Variants in CDH12 observed in about 807,000 individuals in gnomAD.
The protein encoded by CDH12 is cadherin-12.
Under a neutral mutation model 74.1 loss-of-function variants are expected in CDH12, and 41 were observed. The ratio of observed to expected loss-of-function variants is 0.55; its 90% CI spans 0.43 to 0.72. CDH12 has a LOEUF of 0.72. CDH12 is among the 30% of genes least tolerant of loss of function. CDH12 has a pLI of 0.00. For missense variants in CDH12, 945 were observed against 977.2 expected (o/e 0.97, Z 0.44); for synonymous variants, 399 against 355.0 (o/e 1.12, Z -1.39).
intron 1 of CDH12, among the ~76,000 whole-genome samples, chr5:22,761,097 T>C (rs538411252): frequency 6.6e-6 from 1 of 152,358 alleles, no homozygotes; most frequent in South Asian, 2.1e-4. Flanking sequence ...TAGTTTAAAA[T>C]ATTTCCTCTC....
At chr5:22,255,149 TTC>T (rs1753268608) in intron 3 of CDH12, among the ~76,000 whole-genome samples, 1 of 151,936 alleles carries the variant, frequency 6.6e-6, no homozygotes, top group Admixed American at 6.6e-5. Context: ...ATTTATATTT[TTC>T]TGTTTGCTAT....
At chr5:22,125,456 C>T (rs1264602156) in intron 4 of CDH12, among the ~76,000 whole-genome samples, 1 of 152,166 alleles carries the variant, frequency 6.6e-6, no homozygotes, top group African/African-American at 2.4e-5. Context: ...TTTTTAATGG[C>T]TGCATAGTAT....
chr5:21,930,951 G>GA (rs1344613101), intron 6 of CDH12, among the ~76,000 whole-genome samples: 1 of 152,136 alleles, frequency 6.6e-6, no homozygotes, highest in East Asian at 1.9e-4. Flanking sequence ...ACCTAAAAGG[G>GA]ATTTTGGAAG....
At chr5:22,840,821 G>C (rs1737049353) in intron 1 of CDH12, among the ~76,000 whole-genome samples, 1 of 152,126 alleles carries the variant, frequency 6.6e-6, no homozygotes, top group Non-Finnish European at 1.5e-5. Flanking sequence ...AGAGAAGGGG[G>C]ATTCAAACAG....
At chr5:22,588,216 G>A (rs1003270371) in intron 1 of CDH12, among the ~76,000 whole-genome samples, 3 of 151,732 alleles carry the variant, frequency 2.0e-5, no homozygotes, top group Non-Finnish European at 2.9e-5. Context: ...GGAATAGACA[G>A]GAAATTGTAA....
intron 7 of CDH12, among the ~76,000 whole-genome samples, chr5:21,850,040 A>C (rs116087099): frequency 6.6e-6 from 1 of 151,804 alleles, no homozygotes; most frequent in Non-Finnish European, 1.5e-5. Flanking sequence ...TAAGTGAAAT[A>C]AGCCAGGCAT....
intron 1 of CDH12, among the ~76,000 whole-genome samples, chr5:22,809,574 A>T (rs1749025198): frequency 6.6e-6 from 1 of 151,834 alleles, no homozygotes; most frequent in Non-Finnish European, 1.5e-5. Context: ...GCTTATCTGG[A>T]TAAGAATATA....
intron 6 of CDH12, among the ~76,000 whole-genome samples, chr5:21,857,754 G>A (rs528300908): frequency 2.4e-4 from 37 of 151,906 alleles, no homozygotes; most frequent in African/African-American, 8.9e-4. Context: ...ATCCGATTTG[G>A]ATATTGTATT....
intron 6 of CDH12, among the ~76,000 whole-genome samples, chr5:21,913,255 C>T (rs1349585330): frequency 6.6e-6 from 1 of 152,136 alleles, no homozygotes; most frequent in African/African-American, 2.4e-5. Context: ...CAAAGAAAAA[C>T]TATTGGTTCT....
chr5:22,540,749 A>AGT (rs1230158369), intron 1 of CDH12, among the ~76,000 whole-genome samples: 1 of 152,242 alleles, frequency 6.6e-6, no homozygotes, highest in Non-Finnish European at 1.5e-5. Flanking sequence ...CTGTTCACCC[A>AGT]GTATTTCAAG....
chr5:21,866,736 T>G (rs1751347123), intron 6 of CDH12, among the ~76,000 whole-genome samples: 1 of 152,074 alleles, frequency 6.6e-6, no homozygotes, highest in Middle Eastern at 3.4e-3. Context: ...AGAGGAGAGA[T>G]TCAAGCTGGC....
chr5:22,221,670 C>A (rs778387813), intron 3 of CDH12, among the ~76,000 whole-genome samples: 29 of 151,788 alleles, frequency 1.9e-4, no homozygotes, highest in Non-Finnish European at 3.7e-4. Context: ...CCAATAACAT[C>A]TTAAATTGAT....
chr5:21,800,264 TAGA>T (rs1434469205), intron 10 of CDH12, among the ~76,000 whole-genome samples: 3 of 152,132 alleles, frequency 2.0e-5, no homozygotes, highest in South Asian at 2.1e-4. Flanking sequence ...TAATTAATAT[TAGA>T]AGAAGTTGAG....
intron 5 of CDH12, among the ~76,000 whole-genome samples, chr5:22,005,443 A>C (rs1318621074): frequency 6.6e-6 from 1 of 152,162 alleles, no homozygotes; most frequent in African/African-American, 2.4e-5. Context: ...TAAACATAGC[A>C]GTGCAGGTGT....
intron 4 of CDH12, among the ~76,000 whole-genome samples, chr5:22,091,283 G>T (rs1743415884): frequency 6.7e-6 from 1 of 149,618 alleles, no homozygotes; most frequent in South Asian, 2.1e-4. Context: ...GTGTTTGTGT[G>T]TGTGTGTGAG....
intron 1 of CDH12, among the ~76,000 whole-genome samples, chr5:22,811,865 A>T (rs1256757530): frequency 3.3e-5 from 5 of 152,260 alleles, no homozygotes; most frequent in African/African-American, 1.2e-4. Context: ...GGAAAACTCC[A>T]TACCTATTGT....
At chr5:22,319,741 G>GA (rs1738785152) in intron 3 of CDH12, among the ~76,000 whole-genome samples, 2 of 151,994 alleles carry the variant, frequency 1.3e-5, no homozygotes, top group Admixed American at 1.3e-4. Flanking sequence ...TGAACTAGAT[G>GA]AAAAAATATC....
rs141784104 is a variant in CDH12 at position 22,725,637 on chromosome 5, C to T, written c.-523+127421G>A. Among the ~76,000 whole-genome samples the T allele has an allele frequency of 5.9e-3, 888 of 151,566 alleles. 39 individuals carry two copies. Among genetic ancestry groups the T allele is most frequent in the Admixed American group, 0.048 (734 of 15,172 alleles). ...AGGACACTAATCTCACTTTTGAGGG[C>T]CCCATCCTCATGATCTAATCATATC... On this transcript the variant is annotated intron_variant, in intron 1 of 14. Transcript: ENST00000382254.
chr5:22,247,348 C>G (rs7714405), intron 3 of CDH12, among the ~76,000 whole-genome samples: 151,362 of 152,282 alleles, frequency 0.99, 75,236 homozygotes, highest in Middle Eastern at 1. Context: ...TCACGTCAGA[C>G]TACACTGAGC....
Sources: gnomAD v4.1 joint callset for allele counts (sites outside exome capture counted in the v4.1 genomes callset) on GRCh38, gnomAD v4.1.1 for gene constraint, MANE v1.5 for transcripts, NCBI Gene and HGNC (gene_info 2026-07-23, HGNC 2026-07-21) for gene names.